The following SMOC1 variants were observed in gnomAD, a reference collection of about 807,000 sequenced individuals.
SMOC1 encodes the protein SPARC related modular calcium binding 1, also known as SPARC-related modular calcium-binding protein 1.
Under a neutral mutation model 56.3 loss-of-function variants are expected in SMOC1, and 22 were observed. The ratio of observed to expected loss-of-function variants is 0.39; its 90% CI spans 0.28 to 0.56. SMOC1 has a LOEUF of 0.56. Ranked by LOEUF, SMOC1 falls within the 20% of genes least tolerant of loss-of-function variation. The pLI is 0.61. For synonymous variants in SMOC1, 193 were observed against 215.0 expected (o/e 0.90, Z 0.89); for missense variants, 509 against 565.4 (o/e 0.90, Z 1.01).
chr14:69,958,224 G>A (rs1483845028), intron 3 of SMOC1, among the ~76,000 whole-genome samples: 2 of 152,040 alleles, frequency 1.3e-5, no homozygotes, highest in Non-Finnish European at 2.9e-5. Flanking sequence ...TTGCACCTGT[G>A]AATAGCCACT....
chr14:69,953,034 G>T (rs138896578), intron 2 of SMOC1, among the ~76,000 whole-genome samples: 63 of 152,344 alleles, frequency 4.1e-4, no homozygotes, highest in Non-Finnish European at 7.6e-4. Context: ...CTGCGCTAGA[G>T]CCTCTGATTT....
At chr14:69,893,346 A>G (rs1011746438) in intron 1 of SMOC1, among the ~76,000 whole-genome samples, 3 of 152,170 alleles carry the variant, frequency 2.0e-5, no homozygotes, top group Non-Finnish European at 4.4e-5. Flanking sequence ...AGGCATTGCC[A>G]TTATTTTCCT....
At chr14:69,975,848 G>A (rs778899968) in intron 4 of SMOC1, 34 bp downstream of exon 4, 6 of 1,509,504 alleles carry the variant, frequency 4.0e-6, no homozygotes, top group Non-Finnish European at 5.5e-6. Flanking sequence ...AATGAAAAGG[G>A]TTGGAGAGAG....
intron 7 of SMOC1, 104 bp from the exon 8 acceptor site, chr14:70,010,650 G>A: frequency 8.1e-7 from 1 of 1,240,466 alleles, no homozygotes; most frequent in Non-Finnish European, 1.2e-6. Context: ...CAGTTCCTGG[G>A]TCCAGGCCTG....
intron 8 of SMOC1, 126 bp downstream of exon 8, chr14:70,011,072 A>G (rs1015981574): frequency 1.9e-6 from 2 of 1,054,292 alleles, no homozygotes; most frequent in Non-Finnish European, 1.4e-6. Context: ...GTTTTCAATG[A>G]GTAGAAGAGT....
intron 1 of SMOC1, among the ~76,000 whole-genome samples, chr14:69,944,351 C>T (rs769523328): frequency 2.0e-5 from 3 of 152,128 alleles, no homozygotes; most frequent in Admixed American, 6.5e-5. Context: ...GGAAAGGGGC[C>T]GGCGTGTGCA....
At position 69,888,200 on chromosome 14, in the gene SMOC1, C is replaced by A. The variant is rs115633596; in HGVS notation, c.99+8423C>A. On this transcript the variant is annotated intron_variant, in intron 1 of 11. Transcript: ENST00000361956. ...TTAGATTTGTACAGTATGTGCTCTGCATGGGTCATGAGTCACTGAGAGGTT... is the reference window on the plus strand; with the variant it reads ...TTAGATTTGTACAGTATGTGCTCTGAATGGGTCATGAGTCACTGAGAGGTT... Among the ~76,000 whole-genome samples the A allele has an allele frequency of 6.9e-3, 1,049 of 152,270 alleles. 10 individuals carry two copies. The highest frequency in any genetic ancestry group is 0.024 in the African/African-American group (988 of 41,534).
intron 7 of SMOC1, among the ~76,000 whole-genome samples, chr14:70,002,638 C>T (rs901223203): frequency 6.6e-5 from 10 of 152,112 alleles, no homozygotes; most frequent in African/African-American, 2.2e-4. Flanking sequence ...GAGTGGTGTG[C>T]GTGATGGAAA....
At chr14:69,985,505 T>C (rs1160885316) in intron 5 of SMOC1, among the ~76,000 whole-genome samples, 1 of 152,140 alleles carries the variant, frequency 6.6e-6, no homozygotes, top group African/African-American at 2.4e-5. Flanking sequence ...ACCCCAAATG[T>C]CCTTCAGTGG....
At chr14:69,952,549 G>A (rs1040905) in intron 2 of SMOC1, among the ~76,000 whole-genome samples, 33,091 of 152,162 alleles carry the variant, frequency 0.22, 4,442 homozygotes, top group East Asian at 0.38. Flanking sequence ...TCTGGCCAGC[G>A]CTTTCCTTTT....
chr14:69,905,245 C>T (rs1309546806), intron 1 of SMOC1, among the ~76,000 whole-genome samples: 1 of 151,996 alleles, frequency 6.6e-6, no homozygotes, highest in Non-Finnish European at 1.5e-5. Flanking sequence ...GTATTTGACA[C>T]CTAGCAGGAA....
At chr14:69,954,096 A>G (rs1437907669) in intron 3 of SMOC1, among the ~76,000 whole-genome samples, 1 of 152,174 alleles carries the variant, frequency 6.6e-6, no homozygotes, top group Non-Finnish European at 1.5e-5. Flanking sequence ...CTCATCTTGC[A>G]TGATCTTCTG....
rs527554861 is a variant in SMOC1 at position 69,937,287 on chromosome 14, A to C, written c.100-14851A>C. Among the ~76,000 whole-genome samples the C allele has an allele frequency of 1.5e-3, 236 of 152,316 alleles. 1 individual carries two copies. The highest frequency in any genetic ancestry group is 5.4e-3 in the African/African-American group (225 of 41,576). ...TTTGCCTAATCCCATGTTTGAGGGAAATCTGACCTTAAGGGTTATAAATGT... is the reference window on the plus strand; with the variant it reads ...TTTGCCTAATCCCATGTTTGAGGGACATCTGACCTTAAGGGTTATAAATGT... On this transcript the variant is annotated intron_variant, in intron 1 of 11. Coordinates refer to ENST00000361956, the MANE Select transcript of SMOC1 (RefSeq NM_001034852.3).
At chr14:70,015,061 A>G (rs1025898289) in intron 10 of SMOC1, among the ~76,000 whole-genome samples, 1 of 152,210 alleles carries the variant, frequency 6.6e-6, no homozygotes, top group African/African-American at 2.4e-5. Context: ...AAACAACCTC[A>G]ATGCCCATCA....
chr14:69,900,355 G>A (rs11158823), intron 1 of SMOC1, among the ~76,000 whole-genome samples: 123,072 of 152,152 alleles, frequency 0.81, 51,825 homozygotes, highest in East Asian at 0.94. Flanking sequence ...AAATCAACAC[G>A]TTCTACAAAA....
At chr14:69,996,970 G>T (rs1884787590) in intron 7 of SMOC1, among the ~76,000 whole-genome samples, 1 of 152,200 alleles carries the variant, frequency 6.6e-6, no homozygotes, top group African/African-American at 2.4e-5. Flanking sequence ...CCATATATTT[G>T]TGTAGTGTCT....
intron 1 of SMOC1, among the ~76,000 whole-genome samples, chr14:69,918,693 T>A (rs1057148084): frequency 5.9e-5 from 9 of 152,192 alleles, no homozygotes; most frequent in Non-Finnish European, 8.8e-5. Flanking sequence ...CAGGACTGTT[T>A]TAAGGTTTAA....
At chr14:69,982,545 G>A (rs1335885071) in intron 5 of SMOC1, among the ~76,000 whole-genome samples, 2 of 152,208 alleles carry the variant, frequency 1.3e-5, no homozygotes, top group Non-Finnish European at 2.9e-5. Context: ...GGGACTGGGT[G>A]GCCCCCCAGC....
intron 1 of SMOC1, 85 bp from the exon 2 acceptor site, chr14:69,952,053 G>A (rs974883696): frequency 6.1e-6 from 9 of 1,486,720 alleles, no homozygotes; most frequent in Non-Finnish European, 7.5e-6. Flanking sequence ...CTTTCTAAAG[G>A]CAAACAAGTA....
Sources: allele counts gnomAD v4.1 joint callset (sites outside exome capture counted in the v4.1 genomes callset), GRCh38; gene constraint gnomAD v4.1.1; transcripts MANE v1.5; gene names NCBI Gene and HGNC (gene_info 2026-07-23, HGNC 2026-07-21).